The following PSMD12 variants were observed in gnomAD, a reference collection of about 807,000 sequenced individuals.
The protein encoded by PSMD12 is 26S proteasome non-ATPase regulatory subunit 12.
Under a neutral mutation model 62.9 loss-of-function variants are expected in PSMD12, and 8 were observed. The observed-to-expected ratio is 0.13, with a 90% CI of 0.07 to 0.23. The LOEUF (loss-of-function observed/expected upper bound fraction) is 0.23. Among genes scored for constraint, PSMD12 ranks in the 10% least tolerant of loss-of-function variants. The pLI is 1.00. For synonymous variants in PSMD12, 173 were observed against 187.4 expected, an observed-to-expected ratio of 0.92 and a Z score of 0.63; for missense variants, 424 against 550.2, an observed-to-expected ratio of 0.77 and a Z score of 2.29.
intron 4 of PSMD12, 105 bp downstream of exon 4, chr17:67,350,123 TA>T (rs1350481553): frequency 2.9e-6 from 2 of 679,608 alleles, no homozygotes; most frequent in African/African-American, 1.9e-5. Context: ...TGTATTTCTT[TA>T]AAAAATAAAC....
chr17:67,350,650 A>G (rs2042008818), intron 3 of PSMD12, among the ~76,000 whole-genome samples: 1 of 152,222 alleles, frequency 6.6e-6, no homozygotes, highest in Non-Finnish European at 1.5e-5. Context: ...ACCTGCAGAC[A>G]CTGTGACTGA....
At chr17:67,355,584 T>C (rs945481462) in intron 3 of PSMD12, among the ~76,000 whole-genome samples, 1 of 152,156 alleles carries the variant, frequency 6.6e-6, no homozygotes, top group Admixed American at 6.5e-5. Context: ...TACATCCTCT[T>C]TTACAATGCC....
At chr17:67,357,926 TTC>T (rs1215976022) in intron 1 of PSMD12, among the ~76,000 whole-genome samples, 1 of 114,198 alleles carries the variant, frequency 8.8e-6, no homozygotes, top group East Asian at 2.3e-4. Flanking sequence ...GTTTATCTTG[TTC>T]TTTTTTTTTT....
At chr17:67,351,307 G>A (rs2143705694) in intron 3 of PSMD12, among the ~76,000 whole-genome samples, 1 of 151,966 alleles carries the variant, frequency 6.6e-6, no homozygotes, top group Middle Eastern at 3.4e-3. Context: ...CAGGAGAATG[G>A]TGTGAACCCG....
In PSMD12 at chr17:67,350,316, T is replaced by C; in HGVS notation, c.318A>G (p.Gln106=). 6.2e-7 allele frequency: 1 copy of C among 1,606,336 alleles called. No individual in the cohort carries two copies. ...TTTCCTCAACATAAGTACAGCACTGTTGAACCATTTTGGCAACAGCCTAAA... is the reference window on the plus strand; with the variant it reads ...TTTCCTCAACATAAGTACAGCACTGCTGAACCATTTTGGCAACAGCCTAAA... ...QLKQAVAKMV[Q]QCCTYVEEIT... Residue 106 remains glutamine (Q), a synonymous_variant, in exon 4 of 11, where the codon CAA becomes CAG. Coordinates refer to ENST00000356126, the MANE Select transcript of PSMD12 (RefSeq NM_002816.5).
intron 1 of PSMD12, among the ~76,000 whole-genome samples, chr17:67,359,073 G>GGC (rs1419583534): frequency 1.3e-5 from 2 of 152,134 alleles, no homozygotes; most frequent in Non-Finnish European, 2.9e-5. Context: ...TGCACTCATT[G>GGC]GCCAGGCATG....
At chr17:67,355,089 G>GTTTTTTT (rs533603458) in intron 3 of PSMD12, among the ~76,000 whole-genome samples, 1 of 121,396 alleles carries the variant, frequency 8.2e-6, no homozygotes, top group Non-Finnish European at 1.7e-5. Flanking sequence ...CATATTTTTG[G>GTTTTTTT]TTTTTTTTTT....
chr17:67,355,930 C>A (rs1384121860), intron 3 of PSMD12, among the ~76,000 whole-genome samples: 1 of 151,224 alleles, frequency 6.6e-6, no homozygotes, highest in Non-Finnish European at 1.5e-5. Context: ...GAGTTCAAGA[C>A]CAGCCTGGGT....
chr17:67,343,769 T>A (rs1038023912), intron 9 of PSMD12, among the ~76,000 whole-genome samples: 5 of 152,184 alleles, frequency 3.3e-5, no homozygotes, highest in African/African-American at 4.8e-5. Context: ...ATTGGTGTGA[T>A]CTCCGTTCAC....
intron 1 of PSMD12, 94 bp from the exon 2 acceptor site, chr17:67,357,672 T>A: frequency 8.0e-7 from 1 of 1,242,868 alleles, no homozygotes; most frequent in Non-Finnish European, 1.2e-6. Flanking sequence ...AAAGGAAAAA[T>A]CAACAGCCTC....
intron 3 of PSMD12, among the ~76,000 whole-genome samples, chr17:67,355,969 TACACACACACACACACAC>T (rs59875246): frequency 1.1e-4 from 16 of 145,782 alleles, no homozygotes; most frequent in Middle Eastern, 3.5e-3. Context: ...CCCCCATTTC[TACACACACACACACACAC>T]ACACACACAC....
chr17:67,366,575 C>T lies in PSMD12; in HGVS notation c.-56G>A. On this transcript the variant is annotated 5_prime_UTR_variant, in exon 1 of 11. Transcript: ENST00000356126. ...CCTGCTTCGGCCACCACTCGTCACC[C>T]ACACCGGAAGTTGCCCGCGCACCCG... The T allele has an allele frequency of 1.3e-6, 2 of 1,514,058 alleles. No homozygotes were observed. The highest frequency in any genetic ancestry group is 3.7e-5 in the Admixed American group (2 of 53,460). 93.8% of individuals were successfully genotyped at this position (1,514,058 alleles called of 1,614,324 possible). A position where few individuals can be genotyped will look rare whatever the true frequency, so the allele number is the denominator to read the frequency against.
At chr17:67,352,794 A>G (rs982549117) in intron 3 of PSMD12, among the ~76,000 whole-genome samples, 1 of 152,324 alleles carries the variant, frequency 6.6e-6, no homozygotes, top group East Asian at 1.9e-4. Context: ...GTGTCTCCAC[A>G]CTACCCACCC....
At chr17:67,348,194 C>T (rs1481616791) in intron 5 of PSMD12, among the ~76,000 whole-genome samples, 1 of 152,156 alleles carries the variant, frequency 6.6e-6, no homozygotes, top group Non-Finnish European at 1.5e-5. Context: ...TTATAAGAAA[C>T]TGCCAAACTG....
intron 1 of PSMD12, among the ~76,000 whole-genome samples, chr17:67,358,979 G>A (rs982821466): frequency 1.3e-5 from 2 of 152,144 alleles, no homozygotes; most frequent in African/African-American, 4.8e-5. Flanking sequence ...AAACATAAAT[G>A]ATAATACACC....
At chr17:67,355,704 A>G (rs975940449) in intron 3 of PSMD12, among the ~76,000 whole-genome samples, 11 of 152,170 alleles carry the variant, frequency 7.2e-5, no homozygotes, top group Non-Finnish European at 1.5e-4. Context: ...GTACAGGGGA[A>G]CATTTAAATA....
chr17:67,341,417 C>T (rs546743143), intron 10 of PSMD12, among the ~76,000 whole-genome samples: 19 of 126,682 alleles, frequency 1.5e-4, no homozygotes, highest in Admixed American at 8.3e-4. Context: ...TTGAAGTGAG[C>T]TGAGATCGCA....
intron 1 of PSMD12, 117 bp from the exon 2 acceptor site, chr17:67,357,695 A>T: frequency 1.0e-6 from 1 of 979,820 alleles, no homozygotes; most frequent in Non-Finnish European, 1.6e-6. Context: ...CTAGAGGAAA[A>T]GGACTACCCA....
At chr17:67,341,384 G>A (rs1172362604) in intron 10 of PSMD12, among the ~76,000 whole-genome samples, 2 of 141,150 alleles carry the variant, frequency 1.4e-5, no homozygotes, top group African/African-American at 5.4e-5. Context: ...CAGGAGAATC[G>A]CCTGAACCCT....
Sources: gnomAD v4.1 joint callset for allele counts (sites outside exome capture counted in the v4.1 genomes callset) on GRCh38, gnomAD v4.1.1 for gene constraint, MANE v1.5 for transcripts, NCBI Gene and HGNC (gene_info 2026-07-23, HGNC 2026-07-21) for gene names.